CTIF: variants seen among roughly 807,000 people sequenced by gnomAD.
CTIF encodes the protein cap binding complex dependent translation initiation factor.
CTIF carries 21 observed loss-of-function variants against 66.0 expected under a neutral mutation model. The observed-to-expected ratio is 0.32, with a 90% CI of 0.23 to 0.46. The LOEUF is 0.46. Ranked by LOEUF, CTIF falls within the 20% of genes least tolerant of loss-of-function variation. The pLI is 1.00. For synonymous variants in CTIF, 345 were observed against 326.4 expected (o/e 1.06, Z -0.62); for missense variants, 739 against 812.7 (o/e 0.91, Z 1.10).
At chr18:48,565,345 C>G (rs2089256137) in intron 1 of CTIF, 1 of 152,180 alleles carries the variant, frequency 6.6e-6, no homozygotes, top group South Asian at 2.1e-4. Context: ...TGAGAAATCG[C>G]TGGTGTGCTG....
chr18:48,703,262 T>A lies in CTIF; in HGVS notation c.508-8357T>A, dbSNP rs193218715. On this transcript the variant is annotated intron_variant, in intron 6 of 11. Transcript: ENST00000256413. The stretch of plus-strand genomic sequence containing the variant: ...TAGCTTCCAAGAGGCCAGGGCAGAG[T>A]GGATATCCAGGCACTGTGGGGGCAG... Among the ~76,000 whole-genome samples the A allele has an allele frequency of 1.5e-4, 22 of 151,686 alleles. No homozygotes were observed. The East Asian group carries it at 3.1e-3, about 21-fold the overall frequency.
At chr18:48,831,829 T>G (rs1450137936) in intron 10 of CTIF, among the ~76,000 whole-genome samples, 1 of 152,240 alleles carries the variant, frequency 6.6e-6, no homozygotes, top group African/African-American at 2.4e-5. Flanking sequence ...GTTCTTCTCT[T>G]TTGGTACGAA....
chr18:48,801,356 C>G (rs912541467), intron 9 of CTIF, among the ~76,000 whole-genome samples: 3 of 152,246 alleles, frequency 2.0e-5, no homozygotes, highest in African/African-American at 7.2e-5. Context: ...GCTCCCTAGA[C>G]TTTGTGTCCT....
At chr18:48,561,973 G>A (rs1267201495) in intron 1 of CTIF, among the ~76,000 whole-genome samples, 1 of 152,100 alleles carries the variant, frequency 6.6e-6, no homozygotes, top group Non-Finnish European at 1.5e-5. Context: ...GTACATCTAC[G>A]GTTGCTTTTG....
chr18:48,708,440 G>A (rs1045121384), intron 6 of CTIF, among the ~76,000 whole-genome samples: 1 of 152,210 alleles, frequency 6.6e-6, no homozygotes, highest in Non-Finnish European at 1.5e-5. Flanking sequence ...GGTTCTCAAT[G>A]GAGCTTGTGT....
At chr18:48,664,636 T>C (rs901381187) in intron 5 of CTIF, 85 bp downstream of exon 5, 1 of 1,165,984 alleles carries the variant, frequency 8.6e-7, no homozygotes, top group Non-Finnish European at 1.3e-6. Flanking sequence ...GCTGCTCTGC[T>C]GCACAGGGGA....
chr18:48,604,343 A>C (rs1412122522), intron 1 of CTIF, among the ~76,000 whole-genome samples: 6 of 149,662 alleles, frequency 4.0e-5, no homozygotes, highest in Non-Finnish European at 7.4e-5. Context: ...TGCCTGCCTA[A>C]TTTTTTGTAT....
chr18:48,564,086 GT>G (rs1443012113), intron 1 of CTIF, among the ~76,000 whole-genome samples: 1 of 152,150 alleles, frequency 6.6e-6, no homozygotes, highest in Non-Finnish European at 1.5e-5. Context: ...CCAAATTGGG[GT>G]TTTCCTCATT....
chr18:48,742,431 C>T (rs989681170), intron 7 of CTIF, among the ~76,000 whole-genome samples: 4 of 152,202 alleles, frequency 2.6e-5, no homozygotes, highest in Non-Finnish European at 5.9e-5. Flanking sequence ...GCTGCAGACC[C>T]GCCTCTAAGA....
At chr18:48,559,543 A>G (rs2089104338) in intron 1 of CTIF, among the ~76,000 whole-genome samples, 1 of 152,242 alleles carries the variant, frequency 6.6e-6, no homozygotes, top group Admixed American at 6.5e-5. Context: ...TGTCCTGCTC[A>G]TGAGTCTGTA....
At chr18:48,702,313 A>G (rs139122075) in intron 6 of CTIF, among the ~76,000 whole-genome samples, 1 of 152,210 alleles carries the variant, frequency 6.6e-6, no homozygotes. Context: ...TGTGCAGATG[A>G]AAACCATCTG....
chr18:48,704,932 G>A (rs533371330), intron 6 of CTIF, among the ~76,000 whole-genome samples: 2 of 152,310 alleles, frequency 1.3e-5, no homozygotes, highest in African/African-American at 4.8e-5. Context: ...GGCACATCTC[G>A]GCCCCATGTG....
At chr18:48,736,537 C>T (rs143227637) in intron 7 of CTIF, among the ~76,000 whole-genome samples, 1,739 of 152,310 alleles carry the variant, frequency 0.011, 39 homozygotes, top group African/African-American at 0.04. Flanking sequence ...CCTGTTCCTC[C>T]GATGATTTTC....
At chr18:48,685,136 A>C (rs1309749636) in intron 6 of CTIF, among the ~76,000 whole-genome samples, 1 of 148,836 alleles carries the variant, frequency 6.7e-6, no homozygotes, top group African/African-American at 2.5e-5. Flanking sequence ...TGACCTTGAC[A>C]TTTTGAATAG....
At chr18:48,541,532 C>A (rs1389993794) in intron 1 of CTIF, among the ~76,000 whole-genome samples, 1 of 152,210 alleles carries the variant, frequency 6.6e-6, no homozygotes, top group Non-Finnish European at 1.5e-5. Flanking sequence ...GCTCGGGCTG[C>A]GCGAGGAGAT....
At chr18:48,774,416 C>T (rs1391155453) in intron 9 of CTIF, among the ~76,000 whole-genome samples, 3 of 152,046 alleles carry the variant, frequency 2.0e-5, no homozygotes, top group Non-Finnish European at 2.9e-5. Flanking sequence ...GGTTTAAAGG[C>T]CTTCACTCGG....
chr18:48,730,505 A>T (rs1394311959), intron 7 of CTIF, among the ~76,000 whole-genome samples: 14 of 91,124 alleles, frequency 1.5e-4, no homozygotes, highest in Non-Finnish European at 2.8e-4. Flanking sequence ...CTGCGGTGTG[A>T]GGGGCTTCTG....
At position 48,728,739 on chromosome 18, in the gene CTIF, TGAGA is replaced by T. The variant is rs138125305; in HGVS notation, c.584+17065_584+17068del. ...GCCTGTGAAGGAGGGAGGGGGAGAG[TGAGA>T]GAGAGAGAGAGAGAGAGAGAAGGAA... is the stretch of plus-strand genomic sequence containing the variant. On this transcript the variant is annotated intron_variant, in intron 7 of 11. Transcript: ENST00000256413. Among the ~76,000 whole-genome samples, 112 of 139,132 alleles carry T rather than the reference TGAGA, an allele frequency of 8.0e-4. No homozygotes were observed. The South Asian group carries it at 0.019, about 24-fold the overall frequency. 91.3% of individuals were successfully genotyped at this position (139,132 alleles called of 152,430 possible).
intron 9 of CTIF, among the ~76,000 whole-genome samples, chr18:48,771,052 G>A (rs1910066728): frequency 6.6e-6 from 1 of 152,092 alleles, no homozygotes; most frequent in African/African-American, 2.4e-5. Flanking sequence ...AGTGCTTTTA[G>A]ACTATTGTCT....
Sources: allele counts gnomAD v4.1 joint callset (sites outside exome capture counted in the v4.1 genomes callset), GRCh38; gene constraint gnomAD v4.1.1; transcripts MANE v1.5; gene names NCBI Gene and HGNC (gene_info 2026-07-23, HGNC 2026-07-21).